Variants in LAMA1 observed in about 807,000 individuals in gnomAD.
The protein encoded by LAMA1 is laminin subunit alpha-1.
In LAMA1, 219 loss-of-function variants were observed where a neutral mutation model predicts 348.7. That is an observed-to-expected ratio of 0.63 (90% CI 0.56 to 0.70). The LOEUF (loss-of-function observed/expected upper bound fraction) is 0.70. Among genes scored for constraint, LAMA1 ranks in the 30% least tolerant of loss-of-function variants. The pLI, the probability that LAMA1 is intolerant of heterozygous loss-of-function variation, is 0.00. For synonymous variants in LAMA1, 1,487 were observed against 1,491.0 expected (o/e 1.00, Z 0.06); for missense variants, 3,744 against 3,888.0 (o/e 0.96, Z 0.99).
At position 6,966,405 on chromosome 18, in the gene LAMA1, T is replaced by G. The variant is rs557986375; in HGVS notation, c.6900-108A>C. On this transcript the variant is annotated intron_variant, in intron 48 of 62. Coordinates refer to ENST00000389658, the MANE Select transcript of LAMA1 (RefSeq NM_005559.4). ...CAAAGATCACTGTAGAGCTATTAGT[T>G]CCATACTTTCATAACAAGTGTAGAT... is the stretch of plus-strand genomic sequence containing the variant. 10 of 918,826 alleles carry G rather than the reference T, an allele frequency of 1.1e-5. No homozygotes were observed. In the African/African-American group the frequency reaches 1.3e-4, roughly 12 times the overall value. 56.9% of individuals were successfully genotyped at this position (918,826 alleles called of 1,614,324 possible).
At chr18:7,116,092 G>A (rs1312821685) in intron 1 of LAMA1, among the ~76,000 whole-genome samples, 1 of 152,318 alleles carries the variant, frequency 6.6e-6, no homozygotes, top group African/African-American at 2.4e-5. Context: ...CCTGCCCTGG[G>A]AGGTTTTCCG....
intron 54 of LAMA1, 58 bp from the exon 55 acceptor site, chr18:6,958,720 C>T: frequency 2.2e-6 from 3 of 1,386,296 alleles, no homozygotes; most frequent in Non-Finnish European, 3.1e-6. Flanking sequence ...AATAATAATT[C>T]CATTTTAGTC....
intron 32 of LAMA1, among the ~76,000 whole-genome samples, chr18:6,999,040 T>C (rs1220238737): frequency 4.0e-5 from 6 of 150,866 alleles, no homozygotes; most frequent in African/African-American, 1.5e-4. Flanking sequence ...TTTTTTGTTT[T>C]TGTTTTTTTT....
intron 19 of LAMA1, among the ~76,000 whole-genome samples, chr18:7,021,085 C>A (rs2057913215): frequency 6.6e-6 from 1 of 152,180 alleles, no homozygotes; most frequent in South Asian, 2.1e-4. Context: ...CTACCTCGGG[C>A]AGGGCCTGCC....
intron 3 of LAMA1, among the ~76,000 whole-genome samples, chr18:7,078,659 A>G (rs1334651196): frequency 6.6e-6 from 1 of 152,184 alleles, no homozygotes; most frequent in African/African-American, 2.4e-5. Context: ...AGTTCCTTGT[A>G]CATCAATATA....
In LAMA1 at chr18:6,999,867, AAC is replaced by A. The variant is rs201615005; in HGVS notation, c.4469+42_4469+43del. The A allele has an allele frequency of 9.5e-4, 1,473 of 1,551,388 alleles. 13 individuals carry two copies. The Admixed American group carries it at 0.018, about 19-fold the overall frequency. Reference sequence around the variant, plus strand: ...AATATGCCCAATACCTTATAAAAGAAACAGAGTGCCCAGGGATTTCCACATGA... The same window carrying A: ...AATATGCCCAATACCTTATAAAAGAAAGAGTGCCCAGGGATTTCCACATGA... On this transcript the variant is annotated intron_variant, in intron 31 of 62. Transcript: ENST00000389658.
chr18:7,078,634 T>A (rs1269484963), intron 3 of LAMA1, among the ~76,000 whole-genome samples: 3 of 152,206 alleles, frequency 2.0e-5, no homozygotes, highest in African/African-American at 7.2e-5. Flanking sequence ...TTTGCTGTAA[T>A]TATTACAGAA....
intron 1 of LAMA1, among the ~76,000 whole-genome samples, chr18:7,107,264 A>G (rs898107690): frequency 4.0e-5 from 6 of 151,586 alleles, no homozygotes; most frequent in South Asian, 2.1e-4. Flanking sequence ...GACTACAGGC[A>G]CCCGCCACCA....
intron 10 of LAMA1, 132 bp downstream of exon 10, chr18:7,039,944 G>T: frequency 9.9e-7 from 1 of 1,011,882 alleles, no homozygotes; most frequent in Non-Finnish European, 1.5e-6. Context: ...GGCTTGGAGA[G>T]AAGGGGCAAG....
chr18:6,977,760 C>A lies in LAMA1; in HGVS notation c.6312G>T (p.Leu2104=), dbSNP rs770448829. The A allele has an allele frequency of 6.8e-6, 11 of 1,614,152 alleles. No individual in the cohort carries two copies. In the South Asian group the frequency reaches 1.1e-4, roughly 16 times the overall value. Residue 2104 remains leucine (L), a synonymous_variant, in exon 44 of 63, where the codon CTG becomes CTT. Coordinates refer to ENST00000389658, the MANE Select transcript of LAMA1 (RefSeq NM_005559.4). The part of the protein sequence containing the change: ...NLSRNLSEIK[L]LISQARKQAA... ...CTTGTTTGCGGGCCTGGCTGATCAA[C>A]AGTTTAATTTCTGATAGGTTTCTGC...
intron 62 of LAMA1, among the ~76,000 whole-genome samples, 180 bp from the exon 63 acceptor site, chr18:6,942,419 C>CT (rs914463112): frequency 4.9e-4 from 72 of 146,686 alleles, no homozygotes; most frequent in African/African-American, 7.2e-4. Context: ...TCAGAGAAAA[C>CT]TTTTTTTTTT....
intron 3 of LAMA1, among the ~76,000 whole-genome samples, chr18:7,062,914 C>T (rs1419826801): frequency 6.6e-6 from 1 of 152,174 alleles, no homozygotes; most frequent in Non-Finnish European, 1.5e-5. Flanking sequence ...GCTTGCATCC[C>T]TTCTTCGCAT....
chr18:6,976,732 G>T (rs2057684355), intron 44 of LAMA1, among the ~76,000 whole-genome samples: 1 of 151,836 alleles, frequency 6.6e-6, no homozygotes, highest in Non-Finnish European at 1.5e-5. Flanking sequence ...TCAGCCTCCT[G>T]AGTAGCTGGG....
chr18:7,110,000 G>A (rs908477072), intron 1 of LAMA1, among the ~76,000 whole-genome samples: 12 of 152,146 alleles, frequency 7.9e-5, no homozygotes, highest in Non-Finnish European at 1.8e-4. Context: ...TGGCCAACAT[G>A]ATAAAACCCT....
intron 36 of LAMA1, 76 bp from the exon 37 acceptor site, chr18:6,986,423 AT>A: frequency 7.6e-7 from 1 of 1,319,114 alleles, no homozygotes; most frequent in Non-Finnish European, 1.1e-6. Context: ...AGTGGAAAAA[AT>A]TTTTACGTAT....
chr18:6,978,054 T>C, intron 43 of LAMA1, 142 bp downstream of exon 43: 1 of 1,313,768 alleles, frequency 7.6e-7, no homozygotes, highest in East Asian at 2.3e-5. Flanking sequence ...CCCAAGGTCC[T>C]TCTCTTAATA....
intron 57 of LAMA1, among the ~76,000 whole-genome samples, 163 bp from the exon 58 acceptor site, chr18:6,951,134 T>A (rs2057544986): frequency 6.6e-6 from 1 of 152,200 alleles, no homozygotes; most frequent in African/African-American, 2.4e-5. Context: ...ATATAATGAG[T>A]TATTAGTGCC....
chr18:6,995,135 A>G (rs1261005146), intron 34 of LAMA1, among the ~76,000 whole-genome samples: 1 of 152,232 alleles, frequency 6.6e-6, no homozygotes, highest in East Asian at 1.9e-4. Context: ...TGTCCTCAGC[A>G]GAGATGACAA....
intron 1 of LAMA1, among the ~76,000 whole-genome samples, chr18:7,090,302 C>G (rs1598314627): frequency 6.6e-6 from 1 of 152,118 alleles, no homozygotes; most frequent in South Asian, 2.1e-4. Context: ...AAAGTCTTGC[C>G]TGTTTAATGT....
Sources: gnomAD v4.1 joint callset for allele counts (sites outside exome capture counted in the v4.1 genomes callset) on GRCh38, gnomAD v4.1.1 for gene constraint, MANE v1.5 for transcripts, NCBI Gene and HGNC (gene_info 2026-07-23, HGNC 2026-07-21) for gene names.